Variants in CERT1 observed in about 807,000 individuals in gnomAD.
The protein encoded by CERT1 is ceramide transporter 1.
CERT1 carries 31 observed loss-of-function variants against 87.9 expected under a neutral mutation model. The observed-to-expected ratio is 0.35, with a 90% confidence interval of 0.27 to 0.48. The LOEUF (loss-of-function observed/expected upper bound fraction) is 0.48. Ranked by LOEUF, CERT1 falls within the 20% of genes least tolerant of loss-of-function variation. CERT1 has a pLI of 0.99. For synonymous variants in CERT1, 289 were observed against 250.9 expected, an observed-to-expected ratio of 1.15 and a Z score of -1.44; for missense variants, 487 against 758.0, an observed-to-expected ratio of 0.64 and a Z score of 4.20.
At chr5:75,451,269 A>T (rs889518264) in intron 3 of CERT1, among the ~76,000 whole-genome samples, 2 of 152,182 alleles carry the variant, frequency 1.3e-5, no homozygotes, top group East Asian at 3.9e-4. Flanking sequence ...GATTTTAATG[A>T]CTGAAACATC....
chr5:75,385,071 T>C (rs1266409532), intron 13 of CERT1, among the ~76,000 whole-genome samples: 2 of 152,200 alleles, frequency 1.3e-5, no homozygotes, highest in African/African-American at 2.4e-5. Flanking sequence ...TAATCTTAGG[T>C]GGCTATTTCT....
chr5:75,396,009 TA>T (rs1212885038), intron 11 of CERT1, among the ~76,000 whole-genome samples: 1 of 152,260 alleles, frequency 6.6e-6, no homozygotes, highest in East Asian at 1.9e-4. Context: ...GTGTTGGTAC[TA>T]ATTTCCTAGT....
chr5:75,395,461 C>A lies in CERT1; in HGVS notation c.1188+3849G>T, dbSNP rs142232818. 3.3e-3 allele frequency among the ~76,000 whole-genome samples: 478 copies of A among 144,672 alleles called. 4 individuals are homozygous for A. The highest frequency in any genetic ancestry group is 5.8e-3 in the Non-Finnish European group (387 of 67,294). 94.9% of individuals were successfully genotyped at this position (144,672 alleles called of 152,430 possible). On this transcript the variant is annotated intron_variant, in intron 11 of 16. Transcript: ENST00000643780. ...GGGAGGCTGAGAGACAGGAGGATCA[C>A]TTGTGTCCAGGAAGTCAGAGGTCAG...
At chr5:75,396,739 A>C (rs1029083977) in intron 11 of CERT1, among the ~76,000 whole-genome samples, 37 of 151,752 alleles carry the variant, frequency 2.4e-4, no homozygotes, top group South Asian at 1.0e-3. Flanking sequence ...CAAAAAAAAA[A>C]AAAAAACAAA....
chr5:75,405,219 C>T (rs1762655017), intron 8 of CERT1, among the ~76,000 whole-genome samples: 1 of 152,076 alleles, frequency 6.6e-6, no homozygotes, highest in Non-Finnish European at 1.5e-5. Context: ...AATAGCATTT[C>T]TTATGTTAAC....
At chr5:75,491,286 G>C (rs1317901237) in intron 2 of CERT1, among the ~76,000 whole-genome samples, 2 of 151,880 alleles carry the variant, frequency 1.3e-5, no homozygotes, top group African/African-American at 4.8e-5. Context: ...TCATTTTTTG[G>C]TTCCTTTTTT....
At chr5:75,460,383 AC>A (rs1235776747) in intron 2 of CERT1, among the ~76,000 whole-genome samples, 1 of 152,200 alleles carries the variant, frequency 6.6e-6, no homozygotes, top group Non-Finnish European at 1.5e-5. Context: ...AATGAATATT[AC>A]ATAAGATCTA....
intron 2 of CERT1, among the ~76,000 whole-genome samples, chr5:75,474,256 T>TTA (rs988165510): frequency 2.6e-5 from 4 of 152,148 alleles, no homozygotes; most frequent in Admixed American, 6.6e-5. Flanking sequence ...TGTGAAATCT[T>TTA]TAGTGTTGTG....
chr5:75,468,686 T>G (rs1765571156), intron 2 of CERT1, among the ~76,000 whole-genome samples: 1 of 152,130 alleles, frequency 6.6e-6, no homozygotes, highest in Non-Finnish European at 1.5e-5. Flanking sequence ...TAACAACAGA[T>G]TCTAGTCTAT....
At chr5:75,506,339 G>A (rs940422614) in intron 1 of CERT1, among the ~76,000 whole-genome samples, 2 of 152,158 alleles carry the variant, frequency 1.3e-5, no homozygotes, top group Admixed American at 6.5e-5. Context: ...AAATAAATCT[G>A]TAAGAAATAA....
intron 16 of CERT1, among the ~76,000 whole-genome samples, chr5:75,380,855 T>A (rs976751233): frequency 1.1e-4 from 17 of 151,756 alleles, no homozygotes; most frequent in Non-Finnish European, 1.8e-4. Context: ...TATCCAGCTC[T>A]AGCTTCAGAA....
rs1289211818 is a variant in CERT1 at position 75,378,611 on chromosome 5, A to G, written c.*735T>C. On this transcript the variant is annotated 3_prime_UTR_variant, in exon 17 of 17. Transcript: ENST00000643780. ...CACATCTCATGTCTTATAAAGAAAGATAGTCAAGATACATTGTTAAGTGAA... is the reference window on the plus strand; with the variant it reads ...CACATCTCATGTCTTATAAAGAAAGGTAGTCAAGATACATTGTTAAGTGAA... The G allele has an allele frequency of 2.6e-5, 4 of 152,218 alleles. No homozygotes were observed. The highest frequency in any genetic ancestry group is 9.6e-5 in the African/African-American group (4 of 41,458). 9.4% of individuals were successfully genotyped at this position (152,218 alleles called of 1,614,324 possible).
At chr5:75,376,673 G>A, downstream of CERT1, 1 of 152,184 alleles carries the variant, frequency 6.6e-6, no homozygotes, top group Non-Finnish European at 1.5e-5. Flanking sequence ...CTTGAAGAGA[G>A]AATCCCTAAA....
At chr5:75,428,166 A>C (rs961052298) in intron 3 of CERT1, among the ~76,000 whole-genome samples, 1 of 152,190 alleles carries the variant, frequency 6.6e-6, no homozygotes, top group African/African-American at 2.4e-5. Flanking sequence ...CTATGGTTTA[A>C]TTAATAAATA....
chr5:75,485,312 C>CAAAAATAAAA (rs1766461326), intron 2 of CERT1, among the ~76,000 whole-genome samples: 1 of 46,438 alleles, frequency 2.2e-5, no homozygotes, highest in Non-Finnish European at 3.7e-5. Flanking sequence ...CACAAAAATA[C>CAAAAATAAAA]AAAAAAAAAA....
chr5:75,477,646 G>GAAAAAAAAAAAAA (rs1766018677), intron 2 of CERT1, among the ~76,000 whole-genome samples: 1 of 45,382 alleles, frequency 2.2e-5, no homozygotes, highest in Non-Finnish European at 4.3e-5. Context: ...CTAATAAGTT[G>GAAAAAAAAAAAAA]TAAAAAAAAA....
intron 3 of CERT1, among the ~76,000 whole-genome samples, chr5:75,435,578 TG>T (rs1561261681): frequency 1.3e-5 from 2 of 152,314 alleles, no homozygotes; most frequent in East Asian, 3.9e-4. Flanking sequence ...TTGAAGCTGC[TG>T]TCTTTTGGAT....
At chr5:75,471,330 T>C (rs540901772) in intron 2 of CERT1, among the ~76,000 whole-genome samples, 1 of 152,188 alleles carries the variant, frequency 6.6e-6, no homozygotes, top group Non-Finnish European at 1.5e-5. Context: ...TAGACAATTA[T>C]TATACAAGGG....
chr5:75,470,417 G>A (rs763567487), intron 2 of CERT1, among the ~76,000 whole-genome samples: 1 of 151,982 alleles, frequency 6.6e-6, no homozygotes, highest in Non-Finnish European at 1.5e-5. Flanking sequence ...ACACATACAT[G>A]GAAATTAAAC....
Sources: gnomAD v4.1 joint callset for allele counts (sites outside exome capture counted in the v4.1 genomes callset) on GRCh38, gnomAD v4.1.1 for gene constraint, MANE v1.5 for transcripts, NCBI Gene and HGNC (gene_info 2026-07-23, HGNC 2026-07-21) for gene names.